Variants in CEP250 observed in about 807,000 individuals in gnomAD.
CEP250 encodes centrosome-associated protein CEP250.
CEP250 carries 242 observed loss-of-function variants against 315.7 expected under a neutral mutation model. That is an observed-to-expected ratio of 0.77 (90% CI 0.69 to 0.85). The LOEUF is 0.85. CEP250 is among the 40% of genes least tolerant of loss of function. CEP250 has a pLI of 0.00. For synonymous variants in CEP250, 1,088 were observed against 1,175.0 expected, an observed-to-expected ratio of 0.93 and a Z score of 1.51; for missense variants, 2,515 against 2,886.4, an observed-to-expected ratio of 0.87 and a Z score of 2.95.
chr20:35,457,298 T>C (rs777952544), intron 1 of CEP250, among the ~76,000 whole-genome samples: 11 of 152,168 alleles, frequency 7.2e-5, no homozygotes, highest in Non-Finnish European at 1.5e-5. Flanking sequence ...GTATATTACA[T>C]AATAATTAGA....
rs773870781 is a variant in CEP250, at chr20:35,500,098, C to T, written c.3827C>T (p.Thr1276Ile). 1.9e-6 allele frequency: 3 copies of T among 1,613,606 alleles called. No homozygotes were observed. Among genetic ancestry groups the T allele is most frequent in the African/African-American group, 1.3e-5 (1 of 74,836 alleles). The change falls in exon 28 of 35, where the codon ACT (threonine) becomes ATT (isoleucine). Residue 1276 changes from threonine (T) to isoleucine (I), a missense_variant. Coordinates refer to ENST00000397527, the MANE Select transcript of CEP250 (RefSeq NM_007186.6). ...VQKLEERLTD[T>I]EAEKSQVHTE... The stretch of plus-strand genomic sequence containing the variant: ...AAACTGGAAGAGCGTCTAACTGATA[C>T]TGAGGCTGAGAAGAGCCAGGTCCAC...
rs776887753 is a variant in CEP250 at position 35,512,716 on chromosome 20, A to G, written c.*1090A>G. On this transcript the variant is annotated 3_prime_UTR_variant, in exon 35 of 35. Coordinates refer to ENST00000397527, the MANE Select transcript of CEP250 (RefSeq NM_007186.6). ...AAAAATTGTTTAATTTTTTTAAGAGACAGGGTTTTGTCCTGTCTTCCAAGC... is the reference window on the plus strand; with the variant it reads ...AAAAATTGTTTAATTTTTTTAAGAGGCAGGGTTTTGTCCTGTCTTCCAAGC... 32 of 152,178 alleles carry G rather than the reference A, an allele frequency of 2.1e-4. No individual in the cohort carries two copies. Among genetic ancestry groups the G allele is most frequent in the African/African-American group, 7.7e-4 (32 of 41,430 alleles). The allele number at this position is 152,178 out of a possible 1,614,324, so 9.4% of individuals were successfully genotyped here. A position where few individuals can be genotyped will look rare whatever the true frequency, so the allele number is the denominator to read the frequency against.
In CEP250 at chr20:35,510,053, A is replaced by G. The variant is rs1455011426; in HGVS notation, c.7064A>G (p.Glu2355Gly). Residue 2355 changes from glutamate to glycine, a missense_variant and splice_region_variant, in exon 34 of 35, where the codon GAG becomes GGG. By Grantham distance (98) the Glu-to-Gly change is moderately conservative. Coordinates refer to ENST00000397527, the MANE Select transcript of CEP250 (RefSeq NM_007186.6). ...AAGTGTGTGGCTGAACTGCAGAAAG[A>G]GGTATGTTCTGGATTTTCTAAGCCC... is the stretch of plus-strand genomic sequence containing the variant. The part of the protein sequence containing the change: ...DAKCVAELQK[E>G]VVLLQAQLTL... 1.2e-6 allele frequency: 2 copies of G among 1,613,940 alleles called. No individual in the cohort carries two copies. The highest frequency in any genetic ancestry group is 1.7e-6 in the Non-Finnish European group (2 of 1,179,934).
At position 35,502,916 on chromosome 20, in the gene CEP250, A is replaced by G; in HGVS notation, c.4547A>G (p.Asp1516Gly). The change falls in exon 30 of 35, where the codon GAT becomes GGT. Residue 1516 changes from aspartate to glycine, a missense_variant. Asp to Gly is a moderately conservative substitution (Grantham distance 94). Coordinates refer to ENST00000397527, the MANE Select transcript of CEP250 (RefSeq NM_007186.6). Reference protein sequence around the residue: ...QREQIRELEKDRETQRNVLEH... With the variant: ...QREQIRELEKGRETQRNVLEH... ...GAGCAGATCAGAGAGCTCGAGAAGG[A>G]TCGGGAGACTCAGAGGAACGTCTTG... 6.2e-7 allele frequency: 1 copy of G among 1,614,212 alleles called. No individual in the cohort carries two copies. Among genetic ancestry groups the G allele is most frequent in the Non-Finnish European group, 8.5e-7 (1 of 1,180,038 alleles).
intron 19 of CEP250, 92 bp from the exon 20 acceptor site, chr20:35,479,884 A>C (rs2063294920): frequency 2.5e-6 from 4 of 1,593,638 alleles, no homozygotes; most frequent in Admixed American, 1.7e-5. Context: ...AGGGCCTCTG[A>C]GATGGGAGTT....
chr20:35,464,273 T>G (rs546686310), intron 5 of CEP250, among the ~76,000 whole-genome samples: 43 of 152,298 alleles, frequency 2.8e-4, no homozygotes, highest in Admixed American at 2.6e-3. Context: ...TGGGGTTGTT[T>G]TGCTTGCTTG....
At chr20:35,462,997 G>A (rs984677286) in intron 4 of CEP250, among the ~76,000 whole-genome samples, 2 of 152,164 alleles carry the variant, frequency 1.3e-5, no homozygotes, top group Non-Finnish European at 2.9e-5. Context: ...CTAGTCTAGA[G>A]CCAAAGCCCA....
At position 35,508,604 on chromosome 20, in the gene CEP250, C is replaced by T. The variant is rs182905542; in HGVS notation, c.6907-339C>T. Among the ~76,000 whole-genome samples, 286 of 152,302 alleles carry T rather than the reference C, an allele frequency of 1.9e-3. 1 individual carries two copies. The highest frequency in any genetic ancestry group is 3.0e-3 in the Non-Finnish European group (202 of 68,028). ...CTGGGATTACAGGTGTGAGCCACCA[C>T]GCCCAGCCCTGAAAATTAAGTTTTA... On this transcript the variant is annotated intron_variant, in intron 32 of 34. Coordinates refer to ENST00000397527, the MANE Select transcript of CEP250 (RefSeq NM_007186.6).
Position 35,458,511 on chromosome 20 carries a change from C to T in CEP250, c.-227+137C>T, listed in dbSNP as rs926221089. Reference sequence around the variant, plus strand: ...TCCTGCAGTAATGATAACATTGGCTCAGTGGTTTACAGCTTAGAAGTACAC... The same window carrying T: ...TCCTGCAGTAATGATAACATTGGCTTAGTGGTTTACAGCTTAGAAGTACAC... On this transcript the variant is annotated intron_variant, in intron 2 of 34. Coordinates refer to ENST00000397527, the MANE Select transcript of CEP250 (RefSeq NM_007186.6). 5.9e-5 allele frequency: 9 copies of T among 152,306 alleles called. No individual in the cohort carries two copies. The South Asian group carries it at 8.3e-4, about 14-fold the overall frequency. The allele number at this position is 152,306 out of a possible 1,614,324, so 9.4% of individuals were successfully genotyped here.
rs564610378 is a variant in CEP250, at chr20:35,491,439, C to G, written c.2889+93C>G. The G allele has an allele frequency of 2.7e-5, 37 of 1,363,062 alleles. No homozygotes were observed. The African/African-American group carries it at 3.0e-4, about 11-fold the overall frequency. The allele number at this position is 1,363,062 out of a possible 1,614,324, so 84.4% of individuals were successfully genotyped here. Reference sequence around the variant, plus strand: ...TCTTGGGCACTTCTTATGTGCCAGGCCCTGTGCTAGGTGCTGACATATGAC... The same window carrying G: ...TCTTGGGCACTTCTTATGTGCCAGGGCCTGTGCTAGGTGCTGACATATGAC... On this transcript the variant is annotated intron_variant, in intron 22 of 34. Transcript: ENST00000397527.
chr20:35,502,875 G>T lies in CEP250; in HGVS notation c.4506G>T (p.Lys1502Asn). ...LPMAVQEREQKLTVQREQIRE... is the reference protein window; with the variant it reads ...LPMAVQEREQNLTVQREQIRE... Reference sequence around the variant, plus strand: ...TGGCCGTCCAGGAGCGAGAGCAGAAGCTGACTGTGCAGAGGGAGCAGATCA... The same window carrying T: ...TGGCCGTCCAGGAGCGAGAGCAGAATCTGACTGTGCAGAGGGAGCAGATCA... Residue 1502 changes from lysine (K) to asparagine (N), a missense_variant, in exon 30 of 35, where the codon AAG (lysine) becomes AAT (asparagine). Lys to Asn is a moderately conservative substitution (Grantham distance 94). Coordinates refer to ENST00000397527, the MANE Select transcript of CEP250 (RefSeq NM_007186.6). 2.5e-6 allele frequency: 4 copies of T among 1,614,260 alleles called. No homozygotes were observed. The highest frequency in any genetic ancestry group is 3.4e-6 in the Non-Finnish European group (4 of 1,180,046).
At chr20:35,471,039 A>G (rs1601149436) in intron 10 of CEP250, among the ~76,000 whole-genome samples, 1 of 152,166 alleles carries the variant, frequency 6.6e-6, no homozygotes, top group Non-Finnish European at 1.5e-5. Context: ...CTGAACCCCT[A>G]TTCATATGTA....
At chr20:35,461,854 T>G (rs1027695454) in intron 3 of CEP250, among the ~76,000 whole-genome samples, 9 of 149,110 alleles carry the variant, frequency 6.0e-5, no homozygotes, top group African/African-American at 2.0e-4. Flanking sequence ...ATGATGATGA[T>G]TCACACAGTT....
Position 35,511,588 on chromosome 20 carries a change from C to T in CEP250, c.7291C>T (p.His2431Tyr), listed in dbSNP as rs1395330019. 1.2e-6 allele frequency: 2 copies of T among 1,613,342 alleles called. No individual in the cohort carries two copies. Among genetic ancestry groups the T allele is most frequent in the Non-Finnish European group, 8.5e-7 (1 of 1,179,834 alleles). The change falls in exon 35 of 35, where the codon CAC (histidine) becomes TAC (tyrosine). Residue 2431 changes from histidine (H) to tyrosine (Y), a missense_variant. Coordinates refer to ENST00000397527, the MANE Select transcript of CEP250 (RefSeq NM_007186.6). ...GACATCCCCAGGGCCAGTCCTGCTA[C>T]ACCCCAGCCCCAGCACTACCCAAGC... ...SLTSPGPVLL[H>Y]PSPSTTQAAS... is the part of the protein sequence containing the mutation.
At chr20:35,496,547 G>A (rs1423995340) in intron 24 of CEP250, 30 bp from the exon 25 acceptor site, 2 of 1,594,916 alleles carry the variant, frequency 1.3e-6, no homozygotes, top group Non-Finnish European at 1.7e-6. Context: ...CTAAGAGAAT[G>A]GCCCAGCACT....
rs138289150 is a variant in CEP250 at position 35,467,039 on chromosome 20, G to T, written c.566G>T (p.Arg189Leu). 3 of 1,613,798 alleles carry T rather than the reference G, an allele frequency of 1.9e-6. No homozygotes were observed. The South Asian group carries it at 3.3e-5, about 18-fold the overall frequency. The change falls in exon 8 of 35, where the codon CGC (arginine) becomes CTC (leucine). Residue 189 changes from arginine (R) to leucine (L), a missense_variant. Transcript: ENST00000397527. ...TGGCGGGAGGTTGTGACATTCCGAC[G>T]CCACTTCCTGGAAATGAAGTCAGCT... ...SLWREVVTFR[R>L]HFLEMKSATD...
intron 26 of CEP250, 41 bp from the exon 27 acceptor site, chr20:35,498,554 A>T (rs3762192): frequency 6.2e-7 from 1 of 1,601,004 alleles, no homozygotes; most frequent in Non-Finnish European, 8.5e-7. Context: ...GTTTCTTTTC[A>T]TAGTGGCAGC....
chr20:35,473,721 G>A (rs754228134), intron 13 of CEP250, 149 bp from the exon 14 acceptor site: 15 of 998,412 alleles, frequency 1.5e-5, no homozygotes, highest in Non-Finnish European at 1.7e-5. Flanking sequence ...CAAGCTTTTG[G>A]GGTTGGAGTC....
Position 35,479,261 on chromosome 20 carries a change from C to G in CEP250, c.2125C>G (p.Gln709Glu). ...TCACCAGCAGGAGGCAGCCACGACTCAGCTGGAGCAGCTACATCAGGAGGC... is the reference window on the plus strand; with the variant it reads ...TCACCAGCAGGAGGCAGCCACGACTGAGCTGGAGCAGCTACATCAGGAGGC... ...SRHQQEAATT[Q>E]LEQLHQEAKR... Residue 709 changes from glutamine (Q) to glutamate (E), a missense_variant, in exon 18 of 35, where the codon CAG (glutamine) becomes GAG (glutamate). Physicochemically the swap from Gln to Glu is conservative, Grantham distance 29. Transcript: ENST00000397527. 1 of 1,614,116 alleles carries G rather than the reference C, an allele frequency of 6.2e-7. No homozygotes were observed. Among genetic ancestry groups the G allele is most frequent in the Non-Finnish European group, 8.5e-7 (1 of 1,179,966 alleles).
Sources: allele counts gnomAD v4.1 joint callset (sites outside exome capture counted in the v4.1 genomes callset), GRCh38; gene constraint gnomAD v4.1.1; transcripts MANE v1.5; gene names NCBI Gene and HGNC (gene_info 2026-07-23, HGNC 2026-07-21).